The following HSF2BP variants were observed in gnomAD, a reference collection of about 807,000 sequenced individuals.
HSF2BP encodes heat shock factor 2-binding protein.
HSF2BP carries 35 observed loss-of-function variants against 35.0 expected under a neutral mutation model. The observed-to-expected ratio is 1.00, with a 90% CI of 0.76 to 1.32. The LOEUF is 1.32. Ranked by LOEUF, HSF2BP falls within the 40% of genes most tolerant of loss-of-function variation. The pLI, the probability that HSF2BP is intolerant of heterozygous loss-of-function variation, is 0.00. For missense variants in HSF2BP, 326 were observed against 321.7 expected (o/e 1.01, Z -0.10); for synonymous variants, 114 against 117.4 (o/e 0.97, Z 0.18).
intron 2 of HSF2BP, 151 bp downstream of exon 2, chr21:43,657,910 G>A (rs1022297250): frequency 6.9e-7 from 1 of 1,452,872 alleles, no homozygotes; most frequent in South Asian, 1.4e-5. Context: ...ACCCCGCTCC[G>A]GCCCAGCCCA....
intron 8 of HSF2BP, 145 bp downstream of exon 8, chr21:43,592,080 T>C: frequency 3.6e-6 from 2 of 556,556 alleles, no homozygotes; most frequent in Non-Finnish European, 6.5e-6. Flanking sequence ...TGTATGAATG[T>C]TTAAAAATAT....
At chr21:43,634,800 T>C (rs956411897) in intron 4 of HSF2BP, among the ~76,000 whole-genome samples, 1 of 152,202 alleles carries the variant, frequency 6.6e-6, no homozygotes, top group Non-Finnish European at 1.5e-5. Flanking sequence ...ATAGCAACAA[T>C]CTGGACTCCT....
intron 8 of HSF2BP, among the ~76,000 whole-genome samples, chr21:43,577,929 A>G (rs917804679): frequency 7.9e-5 from 12 of 151,922 alleles, no homozygotes; most frequent in African/African-American, 2.4e-4. Context: ...GCCCTTGAGA[A>G]TGTACTTTGT....
At chr21:43,632,556 C>A (rs989790527) in intron 5 of HSF2BP, among the ~76,000 whole-genome samples, 1 of 151,900 alleles carries the variant, frequency 6.6e-6, no homozygotes, top group African/African-American at 2.4e-5. Context: ...CAAGAATTTT[C>A]TTCAGTAAAA....
chr21:43,614,090 A>G (rs62226868), intron 6 of HSF2BP, 143 bp from the exon 7 acceptor site: 15,952 of 668,986 alleles, frequency 0.024, 286 homozygotes, highest in Non-Finnish European at 0.03. Context: ...ATTGCTAGGC[A>G]TGGTTGTTCA....
At chr21:43,600,779 G>A (rs1179323360) in intron 7 of HSF2BP, among the ~76,000 whole-genome samples, 1 of 152,222 alleles carries the variant, frequency 6.6e-6, no homozygotes, top group Non-Finnish European at 1.5e-5. Flanking sequence ...TATAACCAGA[G>A]TTGAATTCCC....
intron 4 of HSF2BP, among the ~76,000 whole-genome samples, chr21:43,635,439 T>G (rs960694437): frequency 1.3e-5 from 2 of 152,148 alleles, no homozygotes; most frequent in Non-Finnish European, 2.9e-5. Flanking sequence ...AAACTAACTA[T>G]AAACCTACCG....
At chr21:43,644,719 C>T (rs2246610) in intron 3 of HSF2BP, among the ~76,000 whole-genome samples, 21,741 of 152,100 alleles carry the variant, frequency 0.14, 2,045 homozygotes, top group East Asian at 0.25. Flanking sequence ...CTGAGAAGCC[C>T]GACTGTCTCA....
chr21:43,634,314 A>G (rs2082523452), intron 4 of HSF2BP, among the ~76,000 whole-genome samples: 1 of 152,202 alleles, frequency 6.6e-6, no homozygotes, highest in African/African-American at 2.4e-5. Context: ...GTGTACTGCT[A>G]GAGTGATGGG....
chr21:43,621,963 T>G (rs2082336163), intron 6 of HSF2BP, among the ~76,000 whole-genome samples: 1 of 152,104 alleles, frequency 6.6e-6, no homozygotes. Context: ...TACAGCGACC[T>G]ATTAAAAGAC....
intron 7 of HSF2BP, among the ~76,000 whole-genome samples, chr21:43,598,363 C>A (rs1272080798): frequency 6.7e-5 from 10 of 148,254 alleles, no homozygotes; most frequent in African/African-American, 2.5e-4. Context: ...CACCACCACA[C>A]CCGGCTAATT....
intron 7 of HSF2BP, among the ~76,000 whole-genome samples, chr21:43,601,861 T>C (rs1444174223): frequency 2.0e-5 from 3 of 152,338 alleles, no homozygotes; most frequent in South Asian, 4.1e-4. Context: ...TGTAATGCAA[T>C]GTCTTAAAAT....
At chr21:43,622,328 G>C (rs944603340) in intron 6 of HSF2BP, among the ~76,000 whole-genome samples, 1 of 152,146 alleles carries the variant, frequency 6.6e-6, no homozygotes, top group Non-Finnish European at 1.5e-5. Context: ...CTTACTTATC[G>C]ATAGTAACAT....
intron 3 of HSF2BP, among the ~76,000 whole-genome samples, chr21:43,652,404 A>G (rs1321459287): frequency 6.6e-6 from 1 of 151,072 alleles, no homozygotes; most frequent in African/African-American, 2.4e-5. Context: ...CACCATCAAA[A>G]AAAAAAAAAA....
At chr21:43,616,391 C>G (rs2082271092) in intron 6 of HSF2BP, among the ~76,000 whole-genome samples, 1 of 152,222 alleles carries the variant, frequency 6.6e-6, no homozygotes, top group Non-Finnish European at 1.5e-5. Context: ...CGCCAGTAAT[C>G]CCAGCACTTT....
chr21:43,622,963 C>A (rs2146963376), intron 6 of HSF2BP, among the ~76,000 whole-genome samples: 1 of 123,008 alleles, frequency 8.1e-6, no homozygotes, highest in Admixed American at 9.6e-5. Context: ...AGAATCATAT[C>A]AAACAGCTTT....
chr21:43,625,496 T>C (rs1227066253), intron 6 of HSF2BP, among the ~76,000 whole-genome samples: 3 of 152,068 alleles, frequency 2.0e-5, no homozygotes, highest in South Asian at 2.1e-4. Context: ...CACAACCTAA[T>C]TGTGGTGGGT....
intron 4 of HSF2BP, among the ~76,000 whole-genome samples, chr21:43,636,514 G>C (rs146142823): frequency 2.0e-5 from 3 of 152,254 alleles, no homozygotes; most frequent in Admixed American, 2.0e-4. Flanking sequence ...ATCTAAAAAA[G>C]GACTTGTGTC....
chr21:43,586,920 G>A (rs1601625175), intron 8 of HSF2BP, among the ~76,000 whole-genome samples: 1 of 151,232 alleles, frequency 6.6e-6, no homozygotes, highest in African/African-American at 2.4e-5. Flanking sequence ...CCTTTTCCTC[G>A]ATCTTTTAAA....
Sources: allele counts gnomAD v4.1 joint callset (sites outside exome capture counted in the v4.1 genomes callset), GRCh38; gene constraint gnomAD v4.1.1; transcripts MANE v1.5; gene names NCBI Gene and HGNC (gene_info 2026-07-23, HGNC 2026-07-21).